The following ASXL2 variants were observed in gnomAD, a reference collection of about 807,000 sequenced individuals.
ASXL2 encodes the protein ASXL transcriptional regulator 2, also known as putative Polycomb group protein ASXL2.
ASXL2 carries 23 observed loss-of-function variants against 122.0 expected under a neutral mutation model. That is an observed-to-expected ratio of 0.19 (90% CI 0.14 to 0.27). The LOEUF is 0.27. Among genes scored for constraint, ASXL2 ranks in the 10% least tolerant of loss-of-function variants. The probability of loss-of-function intolerance (pLI) is 1.00; values close to 1 mark genes in which losing one functional copy is unlikely to be tolerated. For missense variants in ASXL2, 1,518 were observed against 1,713.8 expected (o/e 0.89, Z 2.02); for synonymous variants, 650 against 637.0 (o/e 1.02, Z -0.31).
At chr2:25,763,772 C>G (rs1160914442) in intron 8 of ASXL2, among the ~76,000 whole-genome samples, 1 of 152,138 alleles carries the variant, frequency 6.6e-6, no homozygotes, top group African/African-American at 2.4e-5. Context: ...CCCCATTTCA[C>G]AGATGAAGAA....
At chr2:25,857,256 C>T (rs1276158798) in intron 1 of ASXL2, among the ~76,000 whole-genome samples, 1 of 152,000 alleles carries the variant, frequency 6.6e-6, no homozygotes, top group Non-Finnish European at 1.5e-5. Context: ...TTCTTGAGTA[C>T]CTTGGCTAGG....
intron 1 of ASXL2, among the ~76,000 whole-genome samples, chr2:25,876,144 C>T (rs3845680): frequency 0.75 from 114,037 of 152,112 alleles, 44,248 homozygotes; most frequent in Non-Finnish European, 0.83. Context: ...ACTGGGGCTT[C>T]ATGTATTTGC....
chr2:25,855,060 G>A (rs997906316), intron 1 of ASXL2, among the ~76,000 whole-genome samples: 18 of 152,126 alleles, frequency 1.2e-4, no homozygotes, highest in Non-Finnish European at 2.5e-4. Context: ...TGCCACCTTC[G>A]CTCATGCTGC....
In ASXL2 at chr2:25,809,892, GGAGGAGCAGCAGCAGGGTGAGACT is replaced by G. The variant is rs1368293879; in HGVS notation, c.144-3579_144-3556del. The G allele has an allele frequency of 9.9e-6, 5 of 505,130 alleles. No individual in the cohort carries two copies. The East Asian group carries it at 1.6e-4, about 16-fold the overall frequency. 31.3% of individuals were successfully genotyped at this position (505,130 alleles called of 1,614,324 possible). A position where few individuals can be genotyped will look rare whatever the true frequency, so the allele number is the denominator to read the frequency against. Reference sequence around the variant, plus strand: ...GCCTCAGATGGAATCAGGGTCAGAGGGAGGAGCAGCAGCAGGGTGAGACTGAGGTGCTCTACATCTCATTCAGGT... The same window carrying G: ...GCCTCAGATGGAATCAGGGTCAGAGGGAGGTGCTCTACATCTCATTCAGGT... On this transcript the variant is annotated intron_variant, in intron 3 of 12. Transcript: ENST00000435504.
At chr2:25,751,944 G>A (rs2088054576) in intron 11 of ASXL2, among the ~76,000 whole-genome samples, 1 of 151,900 alleles carries the variant, frequency 6.6e-6, no homozygotes, top group Non-Finnish European at 1.5e-5. Context: ...TAATTTTTTG[G>A]TATTTTTTTT....
intron 5 of ASXL2, among the ~76,000 whole-genome samples, chr2:25,786,243 CTT>C (rs370316025): frequency 0.44 from 50,021 of 112,526 alleles, 12,032 homozygotes; most frequent in Middle Eastern, 0.59. Flanking sequence ...CCACATCATT[CTT>C]TTTTTTTTTT....
intron 2 of ASXL2, among the ~76,000 whole-genome samples, chr2:25,844,357 G>C (rs916626673): frequency 7.9e-5 from 12 of 152,166 alleles, no homozygotes; most frequent in Admixed American, 3.9e-4. Context: ...AAAGCAGGCA[G>C]ATTGCCTGAG....
At chr2:25,865,840 AT>A (rs1237049551) in intron 1 of ASXL2, among the ~76,000 whole-genome samples, 11 of 151,610 alleles carry the variant, frequency 7.3e-5, no homozygotes, top group African/African-American at 2.7e-4. Flanking sequence ...TTAAGTAAAA[AT>A]TAAACTAACG....
At chr2:25,747,307 ATACTACATTGTGAATTTTGTTTTCTAC>A (rs1187432995) in intron 12 of ASXL2, among the ~76,000 whole-genome samples, 6 of 152,202 alleles carry the variant, frequency 3.9e-5, no homozygotes, top group African/African-American at 4.8e-5. Context: ...TATAACATTT[ATACTACATTGTGAATTTTGTTTTCTAC>A]TACTACATTG....
intron 8 of ASXL2, 53 bp downstream of exon 8, chr2:25,767,530 T>A: frequency 6.3e-7 from 1 of 1,575,306 alleles, no homozygotes; most frequent in Admixed American, 1.8e-5. Flanking sequence ...ATTTCAAACA[T>A]GTAGCTGATA....
At chr2:25,806,181 T>C (rs956160050) in intron 4 of ASXL2, 48 bp downstream of exon 4, 1 of 1,187,018 alleles carries the variant, frequency 8.4e-7, no homozygotes. Context: ...TTATATGTGG[T>C]CACTTCCTGT....
intron 8 of ASXL2, among the ~76,000 whole-genome samples, chr2:25,760,219 T>C (rs2149147083): frequency 6.6e-6 from 1 of 151,340 alleles, no homozygotes; most frequent in Non-Finnish European, 1.5e-5. Flanking sequence ...AAGACCAACC[T>C]GGAAAAAATA....
chr2:25,774,085 G>A, intron 5 of ASXL2, among the ~76,000 whole-genome samples: 1 of 151,704 alleles, frequency 6.6e-6, no homozygotes, highest in East Asian at 1.9e-4. Context: ...CTTGCCTAAA[G>A]TATAAAATTT....
At chr2:25,775,311 A>G (rs1473569860) in intron 5 of ASXL2, among the ~76,000 whole-genome samples, 7 of 152,242 alleles carry the variant, frequency 4.6e-5, no homozygotes, top group Admixed American at 4.6e-4. Flanking sequence ...TATTTTTAGT[A>G]GAGACGGGGT....
At chr2:25,838,572 T>C (rs1157881918) in intron 2 of ASXL2, among the ~76,000 whole-genome samples, 1 of 152,146 alleles carries the variant, frequency 6.6e-6, no homozygotes, top group African/African-American at 2.4e-5. Flanking sequence ...AGGCTGGAGT[T>C]TGAATCACCT....
intron 10 of ASXL2, among the ~76,000 whole-genome samples, chr2:25,753,894 G>A (rs1262161068): frequency 2.0e-5 from 3 of 152,044 alleles, no homozygotes; most frequent in Non-Finnish European, 4.4e-5. Flanking sequence ...CTTCCCTGTG[G>A]TACCTTCCTC....
At chr2:25,859,329 A>G (rs1043494237) in intron 1 of ASXL2, among the ~76,000 whole-genome samples, 3 of 152,216 alleles carry the variant, frequency 2.0e-5, no homozygotes, top group African/African-American at 7.2e-5. Flanking sequence ...ATTTAAGGCA[A>G]TATTATTTAA....
intron 5 of ASXL2, 34 bp downstream of exon 5, chr2:25,799,351 T>C: frequency 1.2e-5 from 19 of 1,613,554 alleles, no homozygotes; most frequent in East Asian, 2.2e-5. Context: ...TCCTACAGCA[T>C]TTAGTACTTT....
intron 1 of ASXL2, among the ~76,000 whole-genome samples, chr2:25,866,257 A>C (rs539306995): frequency 1.3e-5 from 2 of 151,752 alleles, no homozygotes; most frequent in Non-Finnish European, 2.9e-5. Context: ...CAGCCTCCCA[A>C]GTAGCTGGGA....
Sources: gnomAD v4.1 joint callset for allele counts (sites outside exome capture counted in the v4.1 genomes callset) on GRCh38, gnomAD v4.1.1 for gene constraint, MANE v1.5 for transcripts, NCBI Gene and HGNC (gene_info 2026-07-23, HGNC 2026-07-21) for gene names.